SNX29: variants seen among roughly 807,000 people sequenced by gnomAD.
The protein encoded by SNX29 is sorting nexin-29.
SNX29 carries 78 observed loss-of-function variants against 102.1 expected under a neutral mutation model. The observed-to-expected ratio is 0.76, with a 90% CI of 0.64 to 0.92. The LOEUF (loss-of-function observed/expected upper bound fraction) is 0.92. Ranked by LOEUF, SNX29 falls within the 40% of genes least tolerant of loss-of-function variation. The pLI is 0.00. For missense variants in SNX29, 1,280 were observed against 1,061.7 expected (o/e 1.21, Z -2.86); for synonymous variants, 580 against 414.5 (o/e 1.40, Z -4.85).
intron 14 of SNX29, among the ~76,000 whole-genome samples, chr16:12,207,217 A>G (rs1001287184): frequency 6.6e-6 from 1 of 152,022 alleles, no homozygotes; most frequent in African/African-American, 2.4e-5. Flanking sequence ...AAAAATACAA[A>G]AATTAGCTAG....
Position 12,460,187 on chromosome 16 carries a change from A to G in SNX29, c.2038-17532A>G, listed in dbSNP as rs151172184. Among the ~76,000 whole-genome samples the G allele has an allele frequency of 5.1e-3, 784 of 152,240 alleles. 9 individuals are homozygous for G. Among genetic ancestry groups the G allele is most frequent in the African/African-American group, 0.018 (730 of 41,552 alleles). On this transcript the variant is annotated intron_variant, in intron 18 of 20. Transcript: ENST00000566228. Reference sequence around the variant, plus strand: ...CACAAGAGCTGTTTTGCCGAATGAGACTTCATCACCCAACCACGGCTCGCA... The same window carrying G: ...CACAAGAGCTGTTTTGCCGAATGAGGCTTCATCACCCAACCACGGCTCGCA...
intron 20 of SNX29, among the ~76,000 whole-genome samples, chr16:12,564,873 C>A (rs1397637515): frequency 6.7e-6 from 1 of 149,068 alleles, no homozygotes; most frequent in Admixed American, 6.8e-5. Flanking sequence ...ATGAGAATTT[C>A]ACTCTGAGGA....
chr16:12,314,181 T>G (rs2080656526), intron 15 of SNX29, among the ~76,000 whole-genome samples: 1 of 152,194 alleles, frequency 6.6e-6, no homozygotes, highest in Non-Finnish European at 1.5e-5. Flanking sequence ...TTAACCTTTG[T>G]ACAGCTGGGG....
intron 19 of SNX29, among the ~76,000 whole-genome samples, chr16:12,512,295 G>A (rs957643295): frequency 1.9e-4 from 28 of 148,004 alleles, no homozygotes; most frequent in Non-Finnish European, 3.1e-4. Flanking sequence ...TGGATGGTGA[G>A]GGCCCTTGAG....
chr16:12,204,463 T>G (rs2076995919), intron 14 of SNX29, among the ~76,000 whole-genome samples: 1 of 152,212 alleles, frequency 6.6e-6, no homozygotes, highest in South Asian at 2.1e-4. Flanking sequence ...TACTGGATGC[T>G]CCACTGTCAT....
At chr16:12,566,664 G>C (rs1234625042) in intron 20 of SNX29, among the ~76,000 whole-genome samples, 3 of 150,070 alleles carry the variant, frequency 2.0e-5, no homozygotes, top group Non-Finnish European at 4.4e-5. Context: ...ATCCTCTAAG[G>C]AGCATTCAGG....
At position 12,118,727 on chromosome 16, in the gene SNX29, C is replaced by T. The variant is rs371744719; in HGVS notation, c.1403-7906C>T. On this transcript the variant is annotated intron_variant, in intron 11 of 20. Coordinates refer to ENST00000566228, the MANE Select transcript of SNX29 (RefSeq NM_032167.5). Reference sequence around the variant, plus strand: ...TGAGTTACTGCTCCTAATAAATTCACGCATACCTGAGTGCTGTGTTTTCTA... The same window carrying T: ...TGAGTTACTGCTCCTAATAAATTCATGCATACCTGAGTGCTGTGTTTTCTA... Among the ~76,000 whole-genome samples, 462 of 152,242 alleles carry T rather than the reference C, an allele frequency of 3.0e-3. 2 individuals are homozygous for T. The highest frequency in any genetic ancestry group is 0.01 in the African/African-American group (425 of 41,550).
At chr16:12,029,618 G>A (rs1035326636) in intron 4 of SNX29, 3 of 449,156 alleles carry the variant, frequency 6.7e-6, no homozygotes, top group African/African-American at 2.1e-5. Context: ...TTTAGATGGA[G>A]CCTCACTCTG....
At chr16:12,319,024 T>C (rs1298393745) in intron 15 of SNX29, among the ~76,000 whole-genome samples, 1 of 152,136 alleles carries the variant, frequency 6.6e-6, no homozygotes, top group East Asian at 1.9e-4. Context: ...AACTTGTTTG[T>C]GGAGGCCTGG....
At chr16:12,097,478 C>T (rs1027271463) in intron 11 of SNX29, among the ~76,000 whole-genome samples, 3 of 152,172 alleles carry the variant, frequency 2.0e-5, no homozygotes, top group African/African-American at 7.2e-5. Context: ...GTTAATGATC[C>T]AGGCTGCAGT....
At chr16:12,528,471 A>G (rs2076845670) in intron 20 of SNX29, among the ~76,000 whole-genome samples, 1 of 152,138 alleles carries the variant, frequency 6.6e-6, no homozygotes. Context: ...AAGTGCTGCA[A>G]TTACAGGTGT....
At chr16:12,509,974 T>C (rs1305859963) in intron 19 of SNX29, among the ~76,000 whole-genome samples, 1 of 152,262 alleles carries the variant, frequency 6.6e-6, no homozygotes, top group Non-Finnish European at 1.5e-5. Context: ...TGATTGCATG[T>C]ATTTTTCATT....
chr16:12,182,527 A>G (rs1437486821), intron 13 of SNX29, among the ~76,000 whole-genome samples: 1 of 152,116 alleles, frequency 6.6e-6, no homozygotes, highest in African/African-American at 2.4e-5. Flanking sequence ...GAGGGCTGAG[A>G]TAGTGATTCC....
At position 12,568,785 on chromosome 16, in the gene SNX29, C is replaced by G. The variant is rs2079120599; in HGVS notation, c.*156C>G. ...ACAGTTACACAACACCCCGATTAAACTAATCAGTCTTCGAGCCGCATGATA... is the reference window on the plus strand; with the variant it reads ...ACAGTTACACAACACCCCGATTAAAGTAATCAGTCTTCGAGCCGCATGATA... On this transcript the variant is annotated 3_prime_UTR_variant, in exon 21 of 21. Transcript: ENST00000566228. The G allele has an allele frequency of 1.1e-5, 13 of 1,184,472 alleles. No homozygotes were observed. The highest frequency in any genetic ancestry group is 1.0e-4 in the East Asian group (4 of 38,804). The allele number at this position is 1,184,472 out of a possible 1,614,324, so 73.4% of individuals were successfully genotyped here.
rs747524587 is a variant in SNX29, at chr16:12,048,355, T to A, written c.500-17T>A. The A allele has an allele frequency of 1.2e-6, 2 of 1,613,862 alleles. No homozygotes were observed. The highest frequency in any genetic ancestry group is 1.7e-6 in the Non-Finnish European group (2 of 1,179,818). ...CCCATCAGCAAGCACTCCAGACTTT[T>A]CCCTTTTTTTGGGCAGGTCTGAACT... On this transcript the variant is annotated splice_polypyrimidine_tract_variant and intron_variant, in intron 6 of 20. Transcript: ENST00000566228.
chr16:12,374,200 A>G (rs1460113959), intron 16 of SNX29, among the ~76,000 whole-genome samples: 4 of 152,216 alleles, frequency 2.6e-5, no homozygotes, highest in African/African-American at 9.7e-5. Flanking sequence ...GGATGCTAAT[A>G]GTGTCTTCCC....
At chr16:12,329,074 C>G (rs756355286) in intron 15 of SNX29, among the ~76,000 whole-genome samples, 1 of 151,844 alleles carries the variant, frequency 6.6e-6, no homozygotes. Flanking sequence ...GAGTTCAAGA[C>G]CAGCTTAGGC....
intron 9 of SNX29, among the ~76,000 whole-genome samples, chr16:12,063,424 G>A (rs1253800371): frequency 8.0e-6 from 1 of 124,452 alleles, no homozygotes; most frequent in Non-Finnish European, 1.7e-5. Flanking sequence ...ACCCAGGCTG[G>A]AGTGCAATGG....
chr16:12,569,316 A>C lies in SNX29; in HGVS notation c.*687A>C. ...CCCATGGCTGGCTTCAGGAAGGACC[A>C]GTGCCCTCCATAGCCTGAGGCCACC... is the stretch of plus-strand genomic sequence containing the variant. On this transcript the variant is annotated 3_prime_UTR_variant, in exon 21 of 21. Coordinates refer to ENST00000566228, the MANE Select transcript of SNX29 (RefSeq NM_032167.5). The C allele has an allele frequency of 4.4e-6, 1 of 229,862 alleles. No homozygotes were observed. The highest frequency in any genetic ancestry group is 8.6e-6 in the Non-Finnish European group (1 of 115,944). 14.2% of individuals were successfully genotyped at this position (229,862 alleles called of 1,614,324 possible).
Sources: gnomAD v4.1 joint callset for allele counts (sites outside exome capture counted in the v4.1 genomes callset) on GRCh38, gnomAD v4.1.1 for gene constraint, MANE v1.5 for transcripts, NCBI Gene and HGNC (gene_info 2026-07-23, HGNC 2026-07-21) for gene names.